SH3BP4: variants seen among roughly 807,000 people sequenced by gnomAD.
The protein encoded by SH3BP4 is SH3 domain-binding protein 4.
A neutral mutation model predicts 65.5 loss-of-function variants in SH3BP4; 33 were observed. The ratio of observed to expected loss-of-function variants is 0.50; its 90% CI spans 0.38 to 0.67. The LOEUF is 0.67. Ranked by LOEUF, SH3BP4 falls within the 30% of genes least tolerant of loss-of-function variation. SH3BP4 has a pLI of 0.00. For missense variants in SH3BP4, 1,134 were observed against 1,261.4 expected (o/e 0.90, Z 1.53); for synonymous variants, 552 against 545.5 (o/e 1.01, Z -0.17).
At chr2:235,010,288 C>T (rs1694437833) in intron 2 of SH3BP4, among the ~76,000 whole-genome samples, 2 of 152,186 alleles carry the variant, frequency 1.3e-5, no homozygotes, top group Admixed American at 6.5e-5. Context: ...TCTCCAGTTG[C>T]CTGTCTGAGT....
At chr2:235,002,377 A>T (rs2106284560) in intron 2 of SH3BP4, among the ~76,000 whole-genome samples, 1 of 152,280 alleles carries the variant, frequency 6.6e-6, no homozygotes, top group South Asian at 2.1e-4. Flanking sequence ...TGAGCCAAAT[A>T]TTCATTAGCA....
At chr2:235,003,854 A>AG (rs894206281) in intron 2 of SH3BP4, among the ~76,000 whole-genome samples, 5 of 152,132 alleles carry the variant, frequency 3.3e-5, no homozygotes, top group African/African-American at 1.2e-4. Flanking sequence ...GTGTGATTTT[A>AG]GGGGCCACAG....
At chr2:235,047,042 C>T (rs900156570) in intron 4 of SH3BP4, among the ~76,000 whole-genome samples, 2 of 152,150 alleles carry the variant, frequency 1.3e-5, no homozygotes, top group African/African-American at 2.4e-5. Flanking sequence ...AAGGTTTGTT[C>T]ATTTGGAAAG....
intron 2 of SH3BP4, among the ~76,000 whole-genome samples, chr2:235,014,486 C>T (rs977520937): frequency 6.6e-6 from 1 of 152,142 alleles, no homozygotes; most frequent in Non-Finnish European, 1.5e-5. Flanking sequence ...ATGTTTGTTT[C>T]CTGGGGCCAC....
In SH3BP4 at chr2:235,052,825, T is replaced by C; in HGVS notation, c.2667+75T>C. The C allele has an allele frequency of 7.2e-7, 1 of 1,381,850 alleles. No homozygotes were observed. The allele number at this position is 1,381,850 out of a possible 1,614,324, so 85.6% of individuals were successfully genotyped here. A position where few individuals can be genotyped will look rare whatever the true frequency, so the allele number is the denominator to read the frequency against. On this transcript the variant is annotated intron_variant, in intron 5 of 5. Transcript: ENST00000392011. This position sits in a 1 kb window ranked among gnomAD's most constrained non-coding sequence, Gnocchi z 5.0. Reference sequence around the variant, plus strand: ...TCCGTGGACCCATGCAGTGCAGCCATAAAAAGTCTTGCCTCGCGGCATTTC... The same window carrying C: ...TCCGTGGACCCATGCAGTGCAGCCACAAAAAGTCTTGCCTCGCGGCATTTC...
Position 234,974,101 on chromosome 2 carries a change from C to T in SH3BP4, c.-206-21202C>T, listed in dbSNP as rs1264035783. 5.9e-5 allele frequency among the ~76,000 whole-genome samples: 9 copies of T among 152,086 alleles called. No individual in the cohort carries two copies. The highest frequency in any genetic ancestry group is 1.9e-4 in the African/African-American group (8 of 41,450). Reference sequence around the variant, plus strand: ...TTGTGAAGGACCTGGCGCAGTGGCTCACCCCTGTAATCCCAGCACTTTGGG... The same window carrying T: ...TTGTGAAGGACCTGGCGCAGTGGCTTACCCCTGTAATCCCAGCACTTTGGG... On this transcript the variant is annotated intron_variant, in intron 1 of 5. Coordinates refer to ENST00000392011, the MANE Select transcript of SH3BP4 (RefSeq NM_014521.3). This position sits in a 1 kb window ranked among gnomAD's most constrained non-coding sequence, Gnocchi z 4.6.
intron 2 of SH3BP4, among the ~76,000 whole-genome samples, chr2:235,001,323 T>C (rs1457687908): frequency 6.6e-6 from 1 of 152,188 alleles, no homozygotes; most frequent in African/African-American, 2.4e-5. Context: ...CTTTGTCAGA[T>C]TCCTTAGAGG....
intron 1 of SH3BP4, among the ~76,000 whole-genome samples, chr2:234,963,916 A>T (rs965546832): frequency 6.6e-6 from 1 of 152,166 alleles, no homozygotes; most frequent in Non-Finnish European, 1.5e-5. Flanking sequence ...AGAGTTTGTC[A>T]TGGCTCCTGC....
At chr2:234,957,090 G>A (rs1432304312) in intron 1 of SH3BP4, among the ~76,000 whole-genome samples, 3 of 151,732 alleles carry the variant, frequency 2.0e-5, no homozygotes, top group Admixed American at 6.6e-5. Context: ...GTGCAATCTC[G>A]GCTCACTGCA....
intron 4 of SH3BP4, among the ~76,000 whole-genome samples, chr2:235,044,820 CG>C (rs1695791525): frequency 6.6e-6 from 1 of 152,138 alleles, no homozygotes; most frequent in Non-Finnish European, 1.5e-5. Flanking sequence ...GGGCAGGAGT[CG>C]GGTGAGACCC....
chr2:234,993,736 GAC>G (rs1251984273), intron 1 of SH3BP4, among the ~76,000 whole-genome samples: 2 of 152,200 alleles, frequency 1.3e-5, no homozygotes, highest in African/African-American at 4.8e-5. Flanking sequence ...TACTTTGAGA[GAC>G]ATTCTGAAGA....
chr2:235,042,789 C>T lies in SH3BP4; in HGVS notation c.2020C>T (p.Leu674=). ...GGTGCGGCAGAACAAGAACCACTACCTGCTGGAGTACAAGAAGGGCGACGG... is the reference window on the plus strand; with the variant it reads ...GGTGCGGCAGAACAAGAACCACTACTTGCTGGAGTACAAGAAGGGCGACGG... ...TVVRQNKNHY[L]LEYKKGDGIA... The change falls in exon 4 of 6, where the codon CTG becomes TTG. Residue 674 remains leucine (L), a synonymous_variant. Transcript: ENST00000392011. This position sits in a 1 kb window ranked among gnomAD's most constrained non-coding sequence, Gnocchi z 7.3. 1 of 1,614,156 alleles carries T rather than the reference C, an allele frequency of 6.2e-7. No homozygotes were observed. The highest frequency in any genetic ancestry group is 8.5e-7 in the Non-Finnish European group (1 of 1,180,044).
At chr2:235,051,439 G>C (rs1696050159) in intron 4 of SH3BP4, among the ~76,000 whole-genome samples, 1 of 152,188 alleles carries the variant, frequency 6.6e-6, no homozygotes, top group African/African-American at 2.4e-5. Context: ...TGAGTCCCAA[G>C]GCGGCCACGT....
At chr2:235,021,000 T>A (rs1258843309) in intron 2 of SH3BP4, among the ~76,000 whole-genome samples, 1 of 152,184 alleles carries the variant, frequency 6.6e-6, no homozygotes, top group Non-Finnish European at 1.5e-5. Context: ...TGGAACATGA[T>A]CCTACTCATT....
intron 1 of SH3BP4, among the ~76,000 whole-genome samples, chr2:234,973,411 T>C (rs180782835): frequency 1.3e-5 from 2 of 152,312 alleles, no homozygotes; most frequent in East Asian, 3.9e-4. Context: ...GATTGGCATC[T>C]TTGCAGCATT....
chr2:235,027,683 G>A (rs1309704519), intron 2 of SH3BP4, among the ~76,000 whole-genome samples: 1 of 152,200 alleles, frequency 6.6e-6, no homozygotes, highest in African/African-American at 2.4e-5. Context: ...CAGGGAATTG[G>A]CAGGGGAGGA....
intron 1 of SH3BP4, among the ~76,000 whole-genome samples, chr2:234,985,771 C>T (rs1301482382): frequency 6.6e-6 from 1 of 151,810 alleles, no homozygotes; most frequent in Non-Finnish European, 1.5e-5. Context: ...CGCCTACGAG[C>T]TCAAGGAGCA....
chr2:235,041,653 G>T lies in SH3BP4; in HGVS notation c.884G>T (p.Arg295Leu). Reference sequence around the variant, plus strand: ...TGGCTAAACCACAGGAAGCTGGCCCGGTCTTGCCACGACCTGGACTTGCTT... The same window carrying T: ...TGGCTAAACCACAGGAAGCTGGCCCTGTCTTGCCACGACCTGGACTTGCTT... The part of the protein sequence containing the change: ...TAWLNHRKLA[R>L]SCHDLDLLGQ... The change falls in exon 4 of 6, where the codon CGG becomes CTG. Residue 295 changes from arginine to leucine, a missense_variant. Arg to Leu is a moderately radical substitution (Grantham distance 102). Transcript: ENST00000392011. This position sits in a 1 kb window ranked among gnomAD's most constrained non-coding sequence, Gnocchi z 6.0. The T allele has an allele frequency of 6.2e-7, 1 of 1,613,884 alleles. No individual in the cohort carries two copies. Among genetic ancestry groups the T allele is most frequent in the Non-Finnish European group, 8.5e-7 (1 of 1,179,954 alleles).
At chr2:235,019,683 G>T (rs1276454085) in intron 2 of SH3BP4, among the ~76,000 whole-genome samples, 6 of 151,556 alleles carry the variant, frequency 4.0e-5, no homozygotes, top group Non-Finnish European at 8.8e-5. Context: ...TGATCTGCCC[G>T]CCTCAGCCTC....
Sources: gnomAD v4.1 joint callset for allele counts (sites outside exome capture counted in the v4.1 genomes callset) on GRCh38, gnomAD v4.1.1 for gene constraint, Gnocchi (gnomAD v3.1) non-coding constraint, MANE v1.5 for transcripts, NCBI Gene and HGNC (gene_info 2026-07-23, HGNC 2026-07-21) for gene names.